Variants in EYA1 observed in about 807,000 individuals in gnomAD.
EYA1 encodes EYA transcriptional coactivator and phosphatase 1.
A neutral mutation model predicts 82.0 loss-of-function variants in EYA1; 16 were observed. The observed-to-expected ratio is 0.20, with a 90% CI of 0.13 to 0.30. EYA1 has a LOEUF of 0.30. EYA1 is among the 10% of genes least tolerant of loss of function. The pLI is 1.00. For missense variants in EYA1, 633 were observed against 730.7 expected (o/e 0.87, Z 1.54); for synonymous variants, 261 against 264.4 (o/e 0.99, Z 0.12).
At chr8:71,265,552 G>A (rs951782897) in intron 11 of EYA1, among the ~76,000 whole-genome samples, 5 of 152,302 alleles carry the variant, frequency 3.3e-5, no homozygotes, top group Non-Finnish European at 4.4e-5. Context: ...CAATCAAGGC[G>A]TTGAGTGTAG....
chr8:71,475,353 A>C (rs79753766), intron 2 of EYA1, among the ~76,000 whole-genome samples: 2,651 of 152,260 alleles, frequency 0.017, 53 homozygotes, highest in African/African-American at 0.061. Context: ...GAGCAAAAGA[A>C]AGATTTGCTT....
At chr8:71,363,045 G>A (rs1156718661), upstream of EYA1, among the ~76,000 whole-genome samples, 1 of 151,910 alleles carries the variant, frequency 6.6e-6, no homozygotes, top group Non-Finnish European at 1.5e-5. Flanking sequence ...AACCAATTTT[G>A]TGCTCTAAAA....
chr8:71,223,437 TAA>T (rs1383541833), intron 12 of EYA1, among the ~76,000 whole-genome samples: 1 of 152,176 alleles, frequency 6.6e-6, no homozygotes, highest in Non-Finnish European at 1.5e-5. Context: ...GTAAAATAAA[TAA>T]AGTTAGCTTC....
intron 2 of EYA1, among the ~76,000 whole-genome samples, chr8:71,462,851 T>C (rs1808472422): frequency 6.6e-6 from 1 of 151,974 alleles, no homozygotes; most frequent in African/African-American, 2.4e-5. Context: ...CCATTGCTGC[T>C]CCCATAGCCA....
At chr8:71,397,450 T>C (rs1467592710) in intron 2 of EYA1, among the ~76,000 whole-genome samples, 2 of 152,216 alleles carry the variant, frequency 1.3e-5, no homozygotes, top group African/African-American at 2.4e-5. Flanking sequence ...CCATGTTTAG[T>C]GCTTCCTTCA....
At chr8:71,486,665 A>C (rs1425494669) in intron 2 of EYA1, among the ~76,000 whole-genome samples, 1 of 152,216 alleles carries the variant, frequency 6.6e-6, no homozygotes, top group Non-Finnish European at 1.5e-5. Context: ...GCCCAGAGCC[A>C]AGACCTGACA....
At chr8:71,394,745 T>C (rs2129116802) in intron 2 of EYA1, among the ~76,000 whole-genome samples, 1 of 152,304 alleles carries the variant, frequency 6.6e-6, no homozygotes, top group East Asian at 1.9e-4. Context: ...AGTTTTGTTC[T>C]TTTGCTTTAG....
intron 12 of EYA1, among the ~76,000 whole-genome samples, chr8:71,226,630 GGA>G (rs1455647916): frequency 6.8e-6 from 1 of 147,892 alleles, no homozygotes; most frequent in Non-Finnish European, 1.5e-5. Flanking sequence ...TAAAGGTAAT[GGA>G]TTAATCCATT....
intron 3 of EYA1, among the ~76,000 whole-genome samples, chr8:71,337,328 C>T (rs1824616101): frequency 6.6e-6 from 1 of 152,100 alleles, no homozygotes; most frequent in Admixed American, 6.6e-5. Flanking sequence ...CTCTTTTGCC[C>T]CCACACGAGT....
intron 11 of EYA1, among the ~76,000 whole-genome samples, chr8:71,266,793 C>A (rs1815879388): frequency 6.6e-6 from 1 of 152,194 alleles, no homozygotes; most frequent in Non-Finnish European, 1.5e-5. Context: ...GCATCTGAAA[C>A]TTGTCCAACA....
At chr8:71,510,339 TGA>T (rs1415104299) in intron 2 of EYA1, among the ~76,000 whole-genome samples, 1 of 151,670 alleles carries the variant, frequency 6.6e-6, no homozygotes, top group Non-Finnish European at 1.5e-5. Flanking sequence ...TGCTTGAGCA[TGA>T]GATGTTGCAG....
chr8:71,247,272 A>ACAGAGTAC lies in EYA1; in HGVS notation c.1051-2588_1051-2581dup, dbSNP rs1157854513. Among the ~76,000 whole-genome samples, 7 of 152,210 alleles carry ACAGAGTAC rather than the reference A, an allele frequency of 4.6e-5. No individual in the cohort carries two copies. In the Middle Eastern group the frequency reaches 0.01, roughly 225 times the overall value. ...ACCTTCCAGCAGCCCTAGAGGAGGA[A>ACAGAGTAC]CAGAGTACGTGAAATATGGCAGGAT... On this transcript the variant is annotated intron_variant, in intron 11 of 17. Transcript: ENST00000340726.
intron 12 of EYA1, among the ~76,000 whole-genome samples, chr8:71,222,583 C>A (rs960015736): frequency 1.6e-4 from 25 of 152,210 alleles, no homozygotes; most frequent in African/African-American, 6.0e-4. Flanking sequence ...AGAAGGCATT[C>A]CTTACACTTA....
intron 2 of EYA1, among the ~76,000 whole-genome samples, chr8:71,434,557 T>C (rs959082433): frequency 6.6e-6 from 1 of 152,128 alleles, no homozygotes; most frequent in African/African-American, 2.4e-5. Context: ...AGAGGTTACA[T>C]AGAAGATAGA....
chr8:71,344,233 T>C (rs750922779), intron 3 of EYA1, among the ~76,000 whole-genome samples: 2 of 152,140 alleles, frequency 1.3e-5, no homozygotes, highest in Non-Finnish European at 2.9e-5. Context: ...CAAAGTGAGA[T>C]TGAAATATTT....
intron 9 of EYA1, among the ~76,000 whole-genome samples, chr8:71,290,531 G>T (rs956887462): frequency 6.6e-6 from 1 of 152,002 alleles, no homozygotes; most frequent in African/African-American, 2.4e-5. Flanking sequence ...ATATAAGAAA[G>T]AATTACATAT....
chr8:71,392,810 CATAAG>C (rs1409116683), intron 2 of EYA1, among the ~76,000 whole-genome samples: 11 of 152,074 alleles, frequency 7.2e-5, no homozygotes, highest in Admixed American at 5.2e-4. Flanking sequence ...TTTTTTAAAT[CATAAG>C]ATAATATTTT....
chr8:71,506,104 A>T (rs1325183924), intron 2 of EYA1, among the ~76,000 whole-genome samples: 2 of 152,128 alleles, frequency 1.3e-5, no homozygotes, highest in African/African-American at 4.8e-5. Flanking sequence ...TCTTTCCTTT[A>T]TAAATTACCC....
intron 2 of EYA1, among the ~76,000 whole-genome samples, chr8:71,383,123 C>G (rs1322445808): frequency 6.6e-6 from 1 of 151,288 alleles, no homozygotes; most frequent in Non-Finnish European, 1.5e-5. Flanking sequence ...AATTTATAAA[C>G]TATGACCTCA....
Sources: gnomAD v4.1 joint callset for allele counts (sites outside exome capture counted in the v4.1 genomes callset) on GRCh38, gnomAD v4.1.1 for gene constraint, MANE v1.5 for transcripts, NCBI Gene and HGNC (gene_info 2026-07-23, HGNC 2026-07-21) for gene names.